CENPP: variants seen among roughly 807,000 people sequenced by gnomAD.
The protein encoded by CENPP is centromere protein P.
A neutral mutation model predicts 35.6 loss-of-function variants in CENPP; 24 were observed. The ratio of observed to expected loss-of-function variants is 0.67; its 90% CI spans 0.49 to 0.95. CENPP has a LOEUF of 0.95. Among genes scored for constraint, CENPP ranks in the 40% least tolerant of loss-of-function variants. The pLI is 0.00. For missense variants in CENPP, 332 were observed against 345.3 expected (o/e 0.96, Z 0.31); for synonymous variants, 120 against 125.5 (o/e 0.96, Z 0.29).
At chr9:92,417,067 C>T (rs1279517806) in intron 5 of CENPP, 16 of 1,613,950 alleles carry the variant, frequency 9.9e-6, no homozygotes, top group Admixed American at 1.7e-5. Flanking sequence ...GGAGTCTTTC[C>T]AGAGATTTAG....
At chr9:92,343,183 G>C (rs1841175074) in intron 3 of CENPP, among the ~76,000 whole-genome samples, 6 of 152,160 alleles carry the variant, frequency 3.9e-5, no homozygotes, top group Admixed American at 3.9e-4. Flanking sequence ...TTAATAGAAT[G>C]TTAGAACAAA....
chr9:92,374,402 C>T (rs1466905241), intron 4 of CENPP, among the ~76,000 whole-genome samples: 1 of 152,040 alleles, frequency 6.6e-6, no homozygotes, highest in Non-Finnish European at 1.5e-5. Context: ...ACGGAGGTTT[C>T]TCCATGTTGG....
rs778186644 is a variant in CENPP, at chr9:92,616,146, GTATGTTTT to G, written c.*3007_*3014del. 45 of 879,378 alleles carry G rather than the reference GTATGTTTT, an allele frequency of 5.1e-5. No individual in the cohort carries two copies. The highest frequency in any genetic ancestry group is 7.4e-5 in the Non-Finnish European group (42 of 568,746). The allele number at this position is 879,378 out of a possible 1,614,324, so 54.5% of individuals were successfully genotyped here. ...CTCTCTCCCTTTCTTCTTTCAACTA[GTATGTTTT>G]TATGTTTTTTCTTTGACTTCTGCAA... On this transcript the variant is annotated 3_prime_UTR_variant, in exon 8 of 8. Transcript: ENST00000375587.
chr9:92,522,608 G>A lies in CENPP; in HGVS notation c.565-88706G>A, dbSNP rs780413815. ...ACATTATAACTTGATTCTACTCCAG[G>A]AAAACTTGAAAAGGATTCAAACTTT... On this transcript the variant is annotated intron_variant, in intron 5 of 7. Coordinates refer to ENST00000375587, the MANE Select transcript of CENPP (RefSeq NM_001012267.3). 8.7e-6 allele frequency: 14 copies of A among 1,613,278 alleles called. No homozygotes were observed. Among genetic ancestry groups the A allele is most frequent in the Admixed American group, 1.7e-5 (1 of 59,960 alleles).
At chr9:92,432,065 C>T (rs1844122834) in intron 5 of CENPP, among the ~76,000 whole-genome samples, 1 of 152,296 alleles carries the variant, frequency 6.6e-6, no homozygotes, top group African/African-American at 2.4e-5. Flanking sequence ...TGGCTCACGC[C>T]TGTAATCCCA....
chr9:92,461,852 T>C (rs773774201), intron 5 of CENPP, among the ~76,000 whole-genome samples: 18 of 152,240 alleles, frequency 1.2e-4, no homozygotes, highest in Non-Finnish European at 1.3e-4. Context: ...ATTCAAGTAA[T>C]GAATTCATGC....
At chr9:92,507,739 C>T (rs903592413) in intron 5 of CENPP, among the ~76,000 whole-genome samples, 3 of 152,304 alleles carry the variant, frequency 2.0e-5, no homozygotes, top group East Asian at 1.9e-4. Flanking sequence ...GCTTTTAAAG[C>T]GTGCCTGGTT....
intron 2 of CENPP, among the ~76,000 whole-genome samples, chr9:92,337,192 C>T (rs1476977052): frequency 3.9e-5 from 6 of 152,102 alleles, no homozygotes; most frequent in African/African-American, 1.4e-4. Flanking sequence ...GTGGTGCACA[C>T]CTGTAATCCC....
chr9:92,381,527 A>AT (rs1842244943), intron 5 of CENPP, among the ~76,000 whole-genome samples: 1 of 151,978 alleles, frequency 6.6e-6, no homozygotes, highest in African/African-American at 2.4e-5. Context: ...CAAGCAATTG[A>AT]CCTATCTTGG....
At chr9:92,426,503 A>C (rs532159312) in intron 5 of CENPP, among the ~76,000 whole-genome samples, 1 of 152,226 alleles carries the variant, frequency 6.6e-6, no homozygotes, top group Non-Finnish European at 1.5e-5. Context: ...GGAAAACAGA[A>C]AATAAACATA....
chr9:92,381,017 T>C (rs1195931137), intron 5 of CENPP, among the ~76,000 whole-genome samples: 1 of 152,182 alleles, frequency 6.6e-6, no homozygotes, highest in East Asian at 1.9e-4. Context: ...ACCTATCACA[T>C]TGTCCTGTAA....
intron 5 of CENPP, among the ~76,000 whole-genome samples, chr9:92,569,421 T>G (rs1472699893): frequency 1.3e-5 from 2 of 152,222 alleles, no homozygotes; most frequent in African/African-American, 4.8e-5. Flanking sequence ...GAGGGCTCTG[T>G]TCTGTTCCAT....
intron 4 of CENPP, among the ~76,000 whole-genome samples, chr9:92,375,253 C>T (rs1842097813): frequency 6.6e-6 from 1 of 151,020 alleles, no homozygotes. Flanking sequence ...CTTTCTCTTT[C>T]TTAGACTGGA....
chr9:92,545,393 G>A (rs116990641), intron 5 of CENPP, among the ~76,000 whole-genome samples: 5 of 152,328 alleles, frequency 3.3e-5, no homozygotes, highest in African/African-American at 7.2e-5. Context: ...TAGCACCCCG[G>A]CCAGCAGCTG....
In CENPP at chr9:92,332,028, T is replaced by A. The variant is rs1359233784; in HGVS notation, c.108-142T>A. 6.7e-6 allele frequency: 3 copies of A among 445,546 alleles called. No homozygotes were observed. The East Asian group carries it at 1.1e-4, about 17-fold the overall frequency. The allele number at this position is 445,546 out of a possible 1,614,324, so 27.6% of individuals were successfully genotyped here. ...GAGAAAATTCTTTTTAATTTTTTAATTTTTTTTATTTTAATGGGGGAAGGT... is the reference window on the plus strand; with the variant it reads ...GAGAAAATTCTTTTTAATTTTTTAAATTTTTTTATTTTAATGGGGGAAGGT... On this transcript the variant is annotated intron_variant, in intron 1 of 7. Transcript: ENST00000375587.
intron 4 of CENPP, among the ~76,000 whole-genome samples, chr9:92,354,202 C>T (rs751405608): frequency 3.3e-5 from 5 of 152,314 alleles, no homozygotes; most frequent in East Asian, 1.9e-4. Flanking sequence ...AACCCATATC[C>T]GGAGTAAGTG....
intron 4 of CENPP, among the ~76,000 whole-genome samples, chr9:92,349,987 G>A (rs1458998643): frequency 1.3e-5 from 2 of 152,092 alleles, no homozygotes; most frequent in Admixed American, 6.5e-5. Context: ...CTGCCAAACC[G>A]TTTTCCAGAA....
intron 5 of CENPP, chr9:92,500,719 A>G (rs1459067195): frequency 3.1e-6 from 5 of 1,596,306 alleles, no homozygotes; most frequent in South Asian, 1.1e-5. Flanking sequence ...GAAAAAGCCA[A>G]AATTTACCGT....
chr9:92,483,373 C>T (rs1260674183), intron 5 of CENPP, among the ~76,000 whole-genome samples: 9 of 152,080 alleles, frequency 5.9e-5, no homozygotes, highest in African/African-American at 1.2e-4. Context: ...GGACTGCAGG[C>T]GCCCGCCACC....
Sources: allele counts gnomAD v4.1 joint callset (sites outside exome capture counted in the v4.1 genomes callset), GRCh38; gene constraint gnomAD v4.1.1; transcripts MANE v1.5; gene names NCBI Gene and HGNC (gene_info 2026-07-23, HGNC 2026-07-21).